NEMP1: variants seen among roughly 807,000 people sequenced by gnomAD.
NEMP1 encodes the protein nuclear envelope integral membrane protein 1.
A neutral mutation model predicts 53.7 loss-of-function variants in NEMP1; 29 were observed. That is an observed-to-expected ratio of 0.54 (90% CI 0.40 to 0.74). The LOEUF is 0.74. NEMP1 is among the 30% of genes least tolerant of loss of function. NEMP1 has a pLI of 0.00. For missense variants in NEMP1, 477 were observed against 528.6 expected (o/e 0.90, Z 0.96); for synonymous variants, 193 against 192.9 (o/e 1.00, Z 0.00).
intron 1 of NEMP1, among the ~76,000 whole-genome samples, chr12:57,087,315 A>C (rs1314712427): frequency 2.2e-5 from 3 of 136,584 alleles, no homozygotes; most frequent in African/African-American, 5.2e-5. Flanking sequence ...GGTGGGAGGG[A>C]GGGGGGCGCC....
At chr12:57,084,839 T>G (rs2032944799) in intron 1 of NEMP1, among the ~76,000 whole-genome samples, 1 of 152,234 alleles carries the variant, frequency 6.6e-6, no homozygotes, top group Non-Finnish European at 1.5e-5. Context: ...CAGAGAAATT[T>G]TATATTTATT....
rs550285120 is a variant in NEMP1 at position 57,069,433 on chromosome 12, G to A, written c.473-127C>T. The A allele has an allele frequency of 1.0e-5, 6 of 598,324 alleles. No homozygotes were observed. In the South Asian group the frequency reaches 1.4e-4, roughly 14 times the overall value. The allele number at this position is 598,324 out of a possible 1,614,324, so 37.1% of individuals were successfully genotyped here. A position where few individuals can be genotyped will look rare whatever the true frequency, so the allele number is the denominator to read the frequency against. ...TAAATGCAAACAGCCCACCTAAAAA[G>A]CATTTAAATTTCACCTAAAGCCTGG... On this transcript the variant is annotated intron_variant, in intron 3 of 8. Transcript: ENST00000300128.
rs541579443 is a variant in NEMP1, at chr12:57,056,170, T to C, written c.*3709A>G. On this transcript the variant is annotated 3_prime_UTR_variant, in exon 9 of 9. Coordinates refer to ENST00000300128, the MANE Select transcript of NEMP1 (RefSeq NM_001130963.2). ...CTACGAGTTGGTGTTGGCATGAATC[T>C]GCTTTGTTTATTCCCAGCAGGCTCT... 10 of 152,326 alleles carry C rather than the reference T, an allele frequency of 6.6e-5. No homozygotes were observed. The highest frequency in any genetic ancestry group is 2.6e-4 in the Admixed American group (4 of 15,290). The allele number at this position is 152,326 out of a possible 1,614,324, so 9.4% of individuals were successfully genotyped here. A position where few individuals can be genotyped will look rare whatever the true frequency, so the allele number is the denominator to read the frequency against.
intron 2 of NEMP1, 100 bp downstream of exon 2, chr12:57,072,688 T>A: frequency 1.5e-6 from 2 of 1,304,752 alleles, no homozygotes. Flanking sequence ...TAACAACATT[T>A]TTTTTAAGCA....
intron 4 of NEMP1, among the ~76,000 whole-genome samples, chr12:57,068,920 T>G (rs987898857): frequency 1.3e-5 from 2 of 152,132 alleles, no homozygotes; most frequent in African/African-American, 4.8e-5. Context: ...CATGGACCTG[T>G]AAAGATGACA....
upstream of NEMP1, chr12:57,078,856 T>C: frequency 7.9e-7 from 1 of 1,268,802 alleles, no homozygotes; most frequent in Non-Finnish European, 1.1e-6. Context: ...ACCAATGGGA[T>C]GGGCAGGGCT....
chr12:57,063,350 A>C lies in NEMP1; in HGVS notation c.755-6T>G. ...TCCAACTGTGAGGACATAACCTATG[A>C]GAAGAGTTATCAGAAGACATTCTTT... is the stretch of plus-strand genomic sequence containing the variant. On this transcript the variant is annotated splice_region_variant and splice_polypyrimidine_tract_variant and intron_variant, in intron 6 of 8. Transcript: ENST00000300128. 6.2e-7 allele frequency: 1 copy of C among 1,610,032 alleles called. No homozygotes were observed.
intron 1 of NEMP1, among the ~76,000 whole-genome samples, chr12:57,073,530 G>A (rs1453058224): frequency 1.3e-5 from 2 of 152,084 alleles, no homozygotes; most frequent in Non-Finnish European, 2.9e-5. Flanking sequence ...TGTAATCCCA[G>A]CTACTCGAGA....
chr12:57,070,904 A>G lies in NEMP1; in HGVS notation c.253-11T>C. ...ACTATTTACTCGGATCTGTAACACA[A>G]ATAAAATCAGGATGAGAAAAAAGGA... On this transcript the variant is annotated splice_polypyrimidine_tract_variant and intron_variant, in intron 2 of 8. Coordinates refer to ENST00000300128, the MANE Select transcript of NEMP1 (RefSeq NM_001130963.2). 6.3e-7 allele frequency: 1 copy of G among 1,583,254 alleles called. No homozygotes were observed. Among genetic ancestry groups the G allele is most frequent in the Middle Eastern group, 1.7e-4 (1 of 5,918 alleles).
chr12:57,072,249 C>G (rs2032386600), intron 2 of NEMP1, among the ~76,000 whole-genome samples: 1 of 152,044 alleles, frequency 6.6e-6, no homozygotes, highest in African/African-American at 2.4e-5. Flanking sequence ...ACCAGCCTGG[C>G]CAACATGATG....
At chr12:57,079,260 C>T (rs1005667868), upstream of NEMP1, among the ~76,000 whole-genome samples, 1 of 152,290 alleles carries the variant, frequency 6.6e-6, no homozygotes, top group Non-Finnish European at 1.5e-5. Flanking sequence ...AAGTGTGGTT[C>T]TCCAAAGTCC....
chr12:57,063,943 G>C, intron 6 of NEMP1, 128 bp downstream of exon 6: 1 of 578,928 alleles, frequency 1.7e-6, no homozygotes, highest in Non-Finnish European at 3.0e-6. Context: ...GAAAAACTAT[G>C]ATTTTTAAAA....
intron 1 of NEMP1, among the ~76,000 whole-genome samples, chr12:57,077,518 A>C (rs1024206715): frequency 3.3e-5 from 5 of 152,092 alleles, no homozygotes; most frequent in African/African-American, 4.8e-5. Context: ...AACAAACAAA[A>C]AAACAAAAAA....
Position 57,059,280 on chromosome 12 carries a change from G to A in NEMP1, c.*599C>T, listed in dbSNP as rs1002553889. ...ATTAATAAATATGTAGGGGCCTAGGGGGTGTGTCACTCTGGAGCACTTGCT... is the reference window on the plus strand; with the variant it reads ...ATTAATAAATATGTAGGGGCCTAGGAGGTGTGTCACTCTGGAGCACTTGCT... On this transcript the variant is annotated 3_prime_UTR_variant, in exon 9 of 9. Coordinates refer to ENST00000300128, the MANE Select transcript of NEMP1 (RefSeq NM_001130963.2). 1 of 152,138 alleles carries A rather than the reference G, an allele frequency of 6.6e-6. No individual in the cohort carries two copies. Among genetic ancestry groups the A allele is most frequent in the Non-Finnish European group, 1.5e-5 (1 of 68,038 alleles). The allele number at this position is 152,138 out of a possible 1,614,324, so 9.4% of individuals were successfully genotyped here.
Position 57,059,876 on chromosome 12 carries a change from T to C in NEMP1, c.*3A>G. 1.9e-6 allele frequency: 3 copies of C among 1,612,784 alleles called. No individual in the cohort carries two copies. The highest frequency in any genetic ancestry group is 2.5e-6 in the Non-Finnish European group (3 of 1,179,394). On this transcript the variant is annotated 3_prime_UTR_variant, in exon 9 of 9. Transcript: ENST00000300128. Reference sequence around the variant, plus strand: ...AGTCCACGTAAAGATAACTGACCACTACCTAGGTTAGAAAGTTGTTCTGTG... The same window carrying C: ...AGTCCACGTAAAGATAACTGACCACCACCTAGGTTAGAAAGTTGTTCTGTG...
intron 1 of NEMP1, among the ~76,000 whole-genome samples, 155 bp downstream of exon 1, chr12:57,078,464 A>G (rs1397583128): frequency 6.6e-6 from 1 of 152,014 alleles, no homozygotes; most frequent in Admixed American, 6.6e-5. Context: ...GACGCCCACT[A>G]GCCTGCCAAG....
chr12:57,075,502 A>G (rs560573425), intron 1 of NEMP1, among the ~76,000 whole-genome samples: 3 of 135,926 alleles, frequency 2.2e-5, no homozygotes, highest in South Asian at 2.1e-4. Context: ...CTCAATATCA[A>G]TAAATAAATA....
At position 57,078,785 on chromosome 12, in the gene NEMP1, A is replaced by C; in HGVS notation, c.-40T>G. The C allele has an allele frequency of 6.3e-7, 1 of 1,585,198 alleles. No homozygotes were observed. Among genetic ancestry groups the C allele is most frequent in the Non-Finnish European group, 8.6e-7 (1 of 1,162,322 alleles). On this transcript the variant is annotated 5_prime_UTR_variant, in exon 1 of 9. Transcript: ENST00000300128. ...ACCTCCTCCTCACGTGCCTTACCCC[A>C]GCAACTAACTCCGAACGGGCAACGA... is the stretch of plus-strand genomic sequence containing the variant.
chr12:57,061,744 T>C (rs1037231595), intron 7 of NEMP1, among the ~76,000 whole-genome samples: 8 of 149,228 alleles, frequency 5.4e-5, no homozygotes, highest in Non-Finnish European at 1.0e-4. Flanking sequence ...CTCACACCTG[T>C]AATCCCAGCA....
Sources: gnomAD v4.1 joint callset for allele counts (sites outside exome capture counted in the v4.1 genomes callset) on GRCh38, gnomAD v4.1.1 for gene constraint, MANE v1.5 for transcripts, NCBI Gene and HGNC (gene_info 2026-07-23, HGNC 2026-07-21) for gene names.